The following PCDH15 variants were observed in gnomAD, a reference collection of about 807,000 sequenced individuals.
PCDH15 encodes protocadherin related 15.
PCDH15 carries 129 observed loss-of-function variants against 178.5 expected under a neutral mutation model. That is an observed-to-expected ratio of 0.72 (90% CI 0.63 to 0.84). The LOEUF (loss-of-function observed/expected upper bound fraction) is 0.84. PCDH15 is among the 40% of genes least tolerant of loss of function. The probability of loss-of-function intolerance (pLI) is 0.00; values close to 1 mark genes in which losing one functional copy is unlikely to be tolerated. For synonymous variants in PCDH15, 800 were observed against 732.0 expected (o/e 1.09, Z -1.50); for missense variants, 2,230 against 2,099.9 (o/e 1.06, Z -1.21).
At chr10:54,120,812 A>G (rs2095205302) in intron 15 of PCDH15, among the ~76,000 whole-genome samples, 1 of 152,190 alleles carries the variant, frequency 6.6e-6, no homozygotes, top group African/African-American at 2.4e-5. Context: ...CTCTAGACCT[A>G]TACAAAGACT....
chr10:54,540,350 C>CA (rs142157313), intron 2 of PCDH15, among the ~76,000 whole-genome samples: 33 of 151,960 alleles, frequency 2.2e-4, no homozygotes, highest in Admixed American at 1.4e-3. Flanking sequence ...AACAGAAACA[C>CA]AAAAAAATCC....
chr10:55,224,493 G>T (rs1840971611), intron 1 of PCDH15, among the ~76,000 whole-genome samples: 1 of 151,990 alleles, frequency 6.6e-6, no homozygotes, highest in African/African-American at 2.4e-5. Context: ...AGGCGACCCT[G>T]CTCCTTACAT....
At chr10:54,789,361 T>C (rs1951181749) in intron 1 of PCDH15, among the ~76,000 whole-genome samples, 1 of 151,834 alleles carries the variant, frequency 6.6e-6, no homozygotes, top group African/African-American at 2.4e-5. Context: ...GCTTATTCTT[T>C]CCTCCTGCTA....
chr10:54,653,645 A>G (rs2094312111), intron 2 of PCDH15, among the ~76,000 whole-genome samples: 1 of 152,156 alleles, frequency 6.6e-6, no homozygotes, highest in South Asian at 2.1e-4. Context: ...ACCTTGTGCG[A>G]TTGGGGTCAT....
At chr10:54,932,181 G>T (rs1403180084) in intron 2 of PCDH15, among the ~76,000 whole-genome samples, 1 of 152,176 alleles carries the variant, frequency 6.6e-6, no homozygotes, top group East Asian at 1.9e-4. Flanking sequence ...CCTTCAGGAA[G>T]TATTTCAGAA....
At chr10:55,064,996 A>G (rs1343412367) in intron 2 of PCDH15, among the ~76,000 whole-genome samples, 31 of 152,188 alleles carry the variant, frequency 2.0e-4, no homozygotes, top group Non-Finnish European at 1.5e-5. Context: ...CTCTCCTTGC[A>G]GTTTAATAGC....
intron 2 of PCDH15, among the ~76,000 whole-genome samples, chr10:55,160,680 T>C (rs542211805): frequency 6.6e-6 from 1 of 152,192 alleles, no homozygotes; most frequent in African/African-American, 2.4e-5. Context: ...ATCTTGTTGA[T>C]GCAGACTGAC....
intron 2 of PCDH15, among the ~76,000 whole-genome samples, chr10:55,078,316 C>T (rs544873316): frequency 3.9e-4 from 59 of 152,086 alleles, no homozygotes; most frequent in Non-Finnish European, 7.5e-4. Flanking sequence ...GGCATTGCAT[C>T]TGTCTGGGGG....
intron 13 of PCDH15, among the ~76,000 whole-genome samples, chr10:54,170,934 C>T (rs2046835111): frequency 6.6e-6 from 1 of 152,140 alleles, no homozygotes; most frequent in Non-Finnish European, 1.5e-5. Context: ...CCCTCCCTTC[C>T]CTACACATCA....
chr10:55,377,146 T>TAAAAAAAAAAAAAAAAAAA (rs398054373), intron 2 of PCDH15, among the ~76,000 whole-genome samples: 1 of 105,342 alleles, frequency 9.5e-6, no homozygotes. Context: ...CTTTCTTCAC[T>TAAAAAAAAAAAAAAAAAAA]AAAAAAAAAA....
chr10:54,194,608 A>ATG (rs139042978), intron 11 of PCDH15, among the ~76,000 whole-genome samples: 33,376 of 115,384 alleles, frequency 0.29, 3,910 homozygotes, highest in Non-Finnish European at 0.32. Flanking sequence ...TGTTTTATAT[A>ATG]TATGTGTGTG....
intron 1 of PCDH15, among the ~76,000 whole-genome samples, chr10:55,207,467 C>G (rs1314656769): frequency 6.6e-6 from 1 of 152,050 alleles, no homozygotes; most frequent in Non-Finnish European, 1.5e-5. Flanking sequence ...CCAGTCAAGC[C>G]TAGAAACTCT....
At chr10:55,005,689 T>C (rs540856447) in intron 2 of PCDH15, among the ~76,000 whole-genome samples, 33 of 152,276 alleles carry the variant, frequency 2.2e-4, no homozygotes, top group Middle Eastern at 3.4e-3. Context: ...CTTGGTGTCA[T>C]TAGCGCTAAT....
intron 8 of PCDH15, among the ~76,000 whole-genome samples, chr10:54,263,321 G>C (rs574887370): frequency 6.6e-6 from 1 of 152,076 alleles, no homozygotes; most frequent in East Asian, 1.9e-4. Context: ...CATGGCATCA[G>C]CCACTAAAAG....
chr10:55,575,479 T>C lies in PCDH15; in HGVS notation c.-156+52146A>G, dbSNP rs73261424. 6.5e-3 allele frequency among the ~76,000 whole-genome samples: 987 copies of C among 152,274 alleles called. 15 individuals carry two copies. The highest frequency in any genetic ancestry group is 0.023 in the African/African-American group (936 of 41,562). ...CTTGGTAGCCAAATGATACCATTAA[T>C]TCAACCCCATACTGGAAAACAACAA... On this transcript the variant is annotated intron_variant, in intron 2 of 5. Coordinates refer to the PCDH15 transcript ENST00000613346.
intron 18 of PCDH15, among the ~76,000 whole-genome samples, chr10:54,047,511 G>T (rs2093680208): frequency 6.6e-6 from 1 of 151,962 alleles, no homozygotes; most frequent in East Asian, 1.9e-4. Flanking sequence ...TATTGCCCAT[G>T]TAGTGAGCAT....
chr10:54,006,535 C>T (rs1294552188), intron 20 of PCDH15, among the ~76,000 whole-genome samples: 1 of 152,098 alleles, frequency 6.6e-6, no homozygotes, highest in Non-Finnish European at 1.5e-5. Context: ...TCTGGGACAA[C>T]CTCCTGGTCT....
At chr10:55,496,475 T>A (rs902430232) in intron 2 of PCDH15, among the ~76,000 whole-genome samples, 6 of 151,860 alleles carry the variant, frequency 4.0e-5, no homozygotes, top group African/African-American at 1.2e-4. Context: ...TAAAATATTT[T>A]TAAAACTAAA....
intron 3 of PCDH15, among the ~76,000 whole-genome samples, chr10:54,521,898 G>A (rs2082907220): frequency 1.3e-5 from 2 of 151,912 alleles, no homozygotes; most frequent in Admixed American, 1.3e-4. Context: ...GACCACCCTG[G>A]CTAACACGGT....
Sources: gnomAD v4.1 joint callset for allele counts (sites outside exome capture counted in the v4.1 genomes callset) on GRCh38, gnomAD v4.1.1 for gene constraint, MANE v1.5 for transcripts, NCBI Gene and HGNC (gene_info 2026-07-23, HGNC 2026-07-21) for gene names.